CSMD1: variants seen among roughly 807,000 people sequenced by gnomAD.
CSMD1 encodes CUB and Sushi multiple domains 1, also known as CUB and sushi domain-containing protein 1.
In CSMD1, 213 loss-of-function variants were observed where a neutral mutation model predicts 417.5. That is an observed-to-expected ratio of 0.51 (90% CI 0.46 to 0.57). The LOEUF is 0.57. Ranked by LOEUF, CSMD1 falls within the 20% of genes least tolerant of loss-of-function variation. The pLI, the probability that CSMD1 is intolerant of heterozygous loss-of-function variation, is 0.00. For synonymous variants in CSMD1, 2,862 were observed against 1,736.8 expected (o/e 1.65, Z -16.11); for missense variants, 6,923 against 4,529.7 (o/e 1.53, Z -15.17).
At chr8:4,429,129 GAA>G (rs1400542126) in intron 2 of CSMD1, among the ~76,000 whole-genome samples, 3 of 151,144 alleles carry the variant, frequency 2.0e-5, no homozygotes, top group Non-Finnish European at 4.4e-5. Context: ...TTTTTTCTAT[GAA>G]AACTGATATA....
intron 3 of CSMD1, among the ~76,000 whole-genome samples, chr8:4,353,110 T>C (rs145431099): frequency 0.011 from 1,739 of 152,258 alleles, 19 homozygotes; most frequent in Non-Finnish European, 0.016. Context: ...TAATATAACA[T>C]TCGGTTTATG....
chr8:3,543,649 AG>A (rs1414532672), intron 10 of CSMD1, among the ~76,000 whole-genome samples: 1 of 151,980 alleles, frequency 6.6e-6, no homozygotes, highest in Non-Finnish European at 1.5e-5. Flanking sequence ...AAAAAAAAAA[AG>A]AATTGCCATT....
At position 3,479,901 on chromosome 8, in the gene CSMD1, A is replaced by G. The variant is rs1817638380; in HGVS notation, c.1449-11077T>C. Among the ~76,000 whole-genome samples, 3 of 152,244 alleles carry G rather than the reference A, an allele frequency of 2.0e-5. No individual in the cohort carries two copies. The South Asian group carries it at 6.2e-4, about 31-fold the overall frequency. Reference sequence around the variant, plus strand: ...AAATCTAAGTAAAGAAATAAGTTATAAAAATGAACTAAAAGGAAATTATGG... The same window carrying G: ...AAATCTAAGTAAAGAAATAAGTTATGAAAATGAACTAAAAGGAAATTATGG... On this transcript the variant is annotated intron_variant, in intron 11 of 69. Coordinates refer to ENST00000635120, the MANE Select transcript of CSMD1 (RefSeq NM_033225.6).
chr8:3,313,423 AAAAC>A (rs1242979846), intron 23 of CSMD1, among the ~76,000 whole-genome samples: 1 of 152,166 alleles, frequency 6.6e-6, no homozygotes, highest in South Asian at 2.1e-4. Flanking sequence ...TTACAAGAAA[AAAAC>A]AACCCCATCA....
intron 3 of CSMD1, among the ~76,000 whole-genome samples, chr8:4,135,634 T>C (rs1456263997): frequency 1.3e-5 from 2 of 152,168 alleles, no homozygotes; most frequent in African/African-American, 2.4e-5. Flanking sequence ...AGTTCAAAGA[T>C]GTTTGGGATA....
chr8:3,886,182 T>C (rs10113221), intron 5 of CSMD1, among the ~76,000 whole-genome samples: 6 of 151,972 alleles, frequency 3.9e-5, no homozygotes, highest in African/African-American at 1.5e-4. Flanking sequence ...CTTGAGTAGG[T>C]GGGATTACAG....
chr8:4,431,039 G>C (rs977999609), intron 2 of CSMD1, among the ~76,000 whole-genome samples: 1 of 152,066 alleles, frequency 6.6e-6, no homozygotes, highest in South Asian at 2.1e-4. Flanking sequence ...TGCTTCTTCA[G>C]AATAACTCGT....
chr8:4,393,641 G>C (rs1804010142), intron 3 of CSMD1, among the ~76,000 whole-genome samples: 1 of 152,142 alleles, frequency 6.6e-6, no homozygotes, highest in South Asian at 2.1e-4. Context: ...ATGTTGAAAA[G>C]ACGTGAGCAC....
chr8:4,573,252 G>A (rs1373842192), intron 2 of CSMD1, among the ~76,000 whole-genome samples: 3 of 152,150 alleles, frequency 2.0e-5, no homozygotes, highest in Admixed American at 1.3e-4. Context: ...TCATCTTTGT[G>A]GATTTATCTA....
chr8:3,048,488 G>T lies in CSMD1; in HGVS notation c.7660+3974C>A, dbSNP rs867660369. Among the ~76,000 whole-genome samples, 4 of 152,182 alleles carry T rather than the reference G, an allele frequency of 2.6e-5. No homozygotes were observed. The Middle Eastern group carries it at 0.01, about 388-fold the overall frequency. On this transcript the variant is annotated intron_variant, in intron 50 of 69. Coordinates refer to ENST00000635120, the MANE Select transcript of CSMD1 (RefSeq NM_033225.6). ...AGCAAACACAACCCAAGAGAGTAAAGATAATCTTTTCAATAAATGGTGCTG... is the reference window on the plus strand; with the variant it reads ...AGCAAACACAACCCAAGAGAGTAAATATAATCTTTTCAATAAATGGTGCTG...
At chr8:3,315,568 A>G (rs554776766) in intron 23 of CSMD1, among the ~76,000 whole-genome samples, 2 of 151,894 alleles carry the variant, frequency 1.3e-5, no homozygotes, top group East Asian at 1.9e-4. Flanking sequence ...AATTCATTCA[A>G]TTTTTCCCAT....
chr8:3,700,545 G>C (rs1281083526), intron 7 of CSMD1: 1 of 152,226 alleles, frequency 6.6e-6, no homozygotes. Flanking sequence ...AAGCAGGGTC[G>C]GGGCTGGTTA....
At chr8:3,621,067 T>C (rs561883198) in intron 7 of CSMD1, among the ~76,000 whole-genome samples, 1 of 152,286 alleles carries the variant, frequency 6.6e-6, no homozygotes, top group East Asian at 1.9e-4. Context: ...GGAAAGTCCA[T>C]GTGAAGACAC....
At chr8:4,527,439 C>A (rs536839146) in intron 2 of CSMD1, among the ~76,000 whole-genome samples, 1 of 152,250 alleles carries the variant, frequency 6.6e-6, no homozygotes, top group African/African-American at 2.4e-5. Context: ...TTGCCTTTAC[C>A]TATCCTTCTG....
intron 1 of CSMD1, among the ~76,000 whole-genome samples, chr8:4,811,115 G>C (rs550234261): frequency 3.3e-5 from 5 of 152,102 alleles, no homozygotes; most frequent in Non-Finnish European, 5.9e-5. Context: ...CATTTTTATG[G>C]CAACACATAA....
chr8:3,794,342 C>T (rs759053053), intron 5 of CSMD1, among the ~76,000 whole-genome samples: 4 of 152,120 alleles, frequency 2.6e-5, no homozygotes, highest in South Asian at 4.1e-4. Flanking sequence ...GCTGAGTAAA[C>T]ATATGTTTGC....
At chr8:3,512,892 G>A (rs1797136332) in intron 10 of CSMD1, among the ~76,000 whole-genome samples, 1 of 152,028 alleles carries the variant, frequency 6.6e-6, no homozygotes, top group African/African-American at 2.4e-5. Context: ...CACTGCACTT[G>A]GTCTTTTTAA....
intron 8 of CSMD1, among the ~76,000 whole-genome samples, chr8:3,605,888 G>T (rs1487464818): frequency 2.6e-5 from 4 of 152,258 alleles, no homozygotes; most frequent in African/African-American, 9.6e-5. Context: ...TGGTTTAGCA[G>T]ACTATTAATG....
intron 1 of CSMD1, among the ~76,000 whole-genome samples, chr8:4,858,855 G>C (rs1326845613): frequency 6.7e-6 from 1 of 149,020 alleles, no homozygotes; most frequent in Non-Finnish European, 1.5e-5. Context: ...GTAATTTACA[G>C]ATTCAATGCC....
Sources: allele counts gnomAD v4.1 joint callset (sites outside exome capture counted in the v4.1 genomes callset), GRCh38; gene constraint gnomAD v4.1.1; transcripts MANE v1.5; gene names NCBI Gene and HGNC (gene_info 2026-07-23, HGNC 2026-07-21).